Variants in ODAD2 observed in about 807,000 individuals in gnomAD.
ODAD2 encodes the protein outer dynein arm-docking complex subunit 2.
ODAD2 carries 89 observed loss-of-function variants against 106.8 expected under a neutral mutation model. That is an observed-to-expected ratio of 0.83 (90% CI 0.70 to 0.99). The LOEUF is 0.99. ODAD2 is among the 50% of genes least tolerant of loss of function. The pLI is 0.00. For synonymous variants in ODAD2, 404 were observed against 436.2 expected, an observed-to-expected ratio of 0.93 and a Z score of 0.92; for missense variants, 1,168 against 1,238.5, an observed-to-expected ratio of 0.94 and a Z score of 0.85.
chr10:27,904,008 C>T (rs1251928803), intron 17 of ODAD2, among the ~76,000 whole-genome samples: 2 of 152,188 alleles, frequency 1.3e-5, no homozygotes, highest in Admixed American at 1.3e-4. Context: ...ATAAGGACTA[C>T]CTGTTGCCAA....
At chr10:27,894,019 C>T (rs549537483) in intron 17 of ODAD2, among the ~76,000 whole-genome samples, 10 of 152,212 alleles carry the variant, frequency 6.6e-5, no homozygotes, top group South Asian at 6.2e-4. Context: ...GTGGCTCAGG[C>T]CTGGAGTCCT....
chr10:27,897,173 C>T (rs1243723585), intron 17 of ODAD2, among the ~76,000 whole-genome samples: 1 of 152,066 alleles, frequency 6.6e-6, no homozygotes, highest in Non-Finnish European at 1.5e-5. Context: ...ACCCGCCTGC[C>T]TTCTTTCTTT....
At chr10:27,903,932 C>T (rs1296583100) in intron 17 of ODAD2, among the ~76,000 whole-genome samples, 1 of 152,156 alleles carries the variant, frequency 6.6e-6, no homozygotes, top group Non-Finnish European at 1.5e-5. Context: ...TCCTGTATCT[C>T]CTCTTCCTCC....
chr10:27,858,523 G>T (rs1839815878), intron 19 of ODAD2, among the ~76,000 whole-genome samples: 1 of 152,124 alleles, frequency 6.6e-6, no homozygotes, highest in African/African-American at 2.4e-5. Flanking sequence ...AAAGGCTCTA[G>T]AACACAACAG....
intron 19 of ODAD2, among the ~76,000 whole-genome samples, chr10:27,845,121 C>A (rs1273969752): frequency 8.0e-6 from 1 of 125,050 alleles, no homozygotes; most frequent in Non-Finnish European, 1.8e-5. Flanking sequence ...GTCAGATTCA[C>A]CAAAGTTGAA....
At chr10:27,828,116 A>C (rs897736073) in intron 19 of ODAD2, among the ~76,000 whole-genome samples, 1 of 152,160 alleles carries the variant, frequency 6.6e-6, no homozygotes, top group Non-Finnish European at 1.5e-5. Context: ...GAAAGATGAA[A>C]ACAGTCCCTT....
At chr10:27,953,512 C>T (rs780452229) in intron 10 of ODAD2, among the ~76,000 whole-genome samples, 6 of 151,988 alleles carry the variant, frequency 3.9e-5, no homozygotes, top group Non-Finnish European at 8.8e-5. Flanking sequence ...GTATTGTTTG[C>T]AGTAACAAAA....
chr10:27,852,453 A>G (rs956097896), intron 19 of ODAD2, among the ~76,000 whole-genome samples: 1 of 152,256 alleles, frequency 6.6e-6, no homozygotes, highest in African/African-American at 2.4e-5. Context: ...TATGTATAAC[A>G]TTACTAGAAC....
chr10:27,897,231 T>G (rs2133767844), intron 17 of ODAD2, among the ~76,000 whole-genome samples: 1 of 152,106 alleles, frequency 6.6e-6, no homozygotes, highest in South Asian at 2.1e-4. Context: ...TCCTTCTCCC[T>G]TCCACCTACA....
At chr10:27,877,828 T>G (rs1299292051) in intron 17 of ODAD2, among the ~76,000 whole-genome samples, 5 of 152,274 alleles carry the variant, frequency 3.3e-5, no homozygotes, top group Admixed American at 2.6e-4. Context: ...ACAGGCTAAA[T>G]TTTGCAATTT....
chr10:27,976,320 A>G (rs1849186193), intron 7 of ODAD2, among the ~76,000 whole-genome samples: 1 of 152,134 alleles, frequency 6.6e-6, no homozygotes, highest in African/African-American at 2.4e-5. Context: ...AAATAAGAAA[A>G]TGATCTTTAC....
Position 27,971,134 on chromosome 10 carries a change from G to C in ODAD2, c.1116C>G (p.Asn372Lys). The C allele has an allele frequency of 6.2e-7, 1 of 1,613,760 alleles. No individual in the cohort carries two copies. The highest frequency in any genetic ancestry group is 8.5e-7 in the Non-Finnish European group (1 of 1,179,722). Reference protein sequence around the residue: ...QMTKRWEPSLNWKTTVNYKGK... With the variant: ...QMTKRWEPSLKWKTTVNYKGK... ...CTTTGTAATTAACAGTGGTCTTCCA[G>C]TTTAAGCTTGGTTCCCATCTCTTGG... is the stretch of plus-strand genomic sequence containing the variant. The change falls in exon 8 of 20, where the codon AAC becomes AAG. Residue 372 changes from asparagine to lysine, a missense_variant. Physicochemically the swap from Asn to Lys is moderately conservative, Grantham distance 94 (BLOSUM62 0). Transcript: ENST00000305242.
At chr10:27,838,211 G>A (rs534162220) in intron 19 of ODAD2, among the ~76,000 whole-genome samples, 2 of 152,304 alleles carry the variant, frequency 1.3e-5, no homozygotes, top group African/African-American at 2.4e-5. Flanking sequence ...TATTTTCTGA[G>A]TGCCAAAAAC....
At chr10:27,927,254 G>C (rs996969556) in intron 16 of ODAD2, among the ~76,000 whole-genome samples, 4 of 152,066 alleles carry the variant, frequency 2.6e-5, no homozygotes, top group Non-Finnish European at 5.9e-5. Flanking sequence ...TAATAAAACT[G>C]TGCTAAGGGT....
intron 17 of ODAD2, among the ~76,000 whole-genome samples, chr10:27,881,787 C>A (rs1841726313): frequency 6.6e-6 from 1 of 152,086 alleles, no homozygotes; most frequent in Admixed American, 6.6e-5. Flanking sequence ...ATGTGTTGTA[C>A]ATTGTGAGAT....
At chr10:27,855,914 CA>C (rs1473898087) in intron 19 of ODAD2, among the ~76,000 whole-genome samples, 1 of 152,116 alleles carries the variant, frequency 6.6e-6, no homozygotes, top group Non-Finnish European at 1.5e-5. Flanking sequence ...TAGACATTTG[CA>C]AAAACAAATC....
Position 27,885,737 on chromosome 10 carries a change from T to TATTTATATTATATATAAAA in ODAD2, c.2610+21925_2610+21926insTTTTATATATAATATAAAT, listed in dbSNP as rs1367530369. Among the ~76,000 whole-genome samples, 9 of 47,486 alleles carry TATTTATATTATATATAAAA rather than the reference T, an allele frequency of 1.9e-4. No individual in the cohort carries two copies. In the South Asian group the frequency reaches 3.0e-3, roughly 16 times the overall value. 31.2% of individuals were successfully genotyped at this position (47,486 alleles called of 152,430 possible). A position where few individuals can be genotyped will look rare whatever the true frequency, so the allele number is the denominator to read the frequency against. ...TATTATATATTATATATAAAATATA[T>TATTTATATTATATATAAAA]TATGTTATATATAATATATATTTTA... On this transcript the variant is annotated intron_variant, in intron 17 of 19. Transcript: ENST00000305242.
chr10:27,819,100 T>G (rs1378750029), intron 19 of ODAD2, among the ~76,000 whole-genome samples: 1 of 152,230 alleles, frequency 6.6e-6, no homozygotes, highest in African/African-American at 2.4e-5. Context: ...TTCCTTTCTT[T>G]ACGTCCTTTG....
intron 17 of ODAD2, among the ~76,000 whole-genome samples, chr10:27,875,588 A>G (rs1204158799): frequency 6.6e-6 from 1 of 152,126 alleles, no homozygotes; most frequent in Non-Finnish European, 1.5e-5. Flanking sequence ...GCCGAATAGG[A>G]ACAGCTCCAG....
Sources: gnomAD v4.1 joint callset for allele counts (sites outside exome capture counted in the v4.1 genomes callset) on GRCh38, gnomAD v4.1.1 for gene constraint, MANE v1.5 for transcripts, NCBI Gene and HGNC (gene_info 2026-07-23, HGNC 2026-07-21) for gene names.